Variants in SND1 observed in about 807,000 individuals in gnomAD.
SND1 encodes the protein staphylococcal nuclease domain-containing protein 1.
In SND1, 38 loss-of-function variants were observed where a neutral mutation model predicts 121.7. That is an observed-to-expected ratio of 0.31 (90% CI 0.24 to 0.41). SND1 has a LOEUF of 0.41. Ranked by LOEUF, SND1 falls within the 10% of genes least tolerant of loss-of-function variation. SND1 has a pLI of 1.00. For missense variants in SND1, 868 were observed against 1,184.6 expected, an observed-to-expected ratio of 0.73 and a Z score of 3.92; for synonymous variants, 401 against 447.4, an observed-to-expected ratio of 0.90 and a Z score of 1.31.
intron 17 of SND1, among the ~76,000 whole-genome samples, chr7:128,075,273 G>A (rs1279766306): frequency 6.6e-6 from 1 of 152,170 alleles, no homozygotes; most frequent in African/African-American, 2.4e-5. Flanking sequence ...GTGGGAGCCG[G>A]GCTCACCCAG....
chr7:127,845,060 T>C (rs1799034601), intron 12 of SND1, among the ~76,000 whole-genome samples: 1 of 152,254 alleles, frequency 6.6e-6, no homozygotes, highest in Non-Finnish European at 1.5e-5. Context: ...ATGGTAATTG[T>C]CTCCTTTTCC....
intron 12 of SND1, among the ~76,000 whole-genome samples, chr7:127,877,036 C>A (rs1443167409): frequency 6.6e-6 from 1 of 152,076 alleles, no homozygotes; most frequent in Non-Finnish European, 1.5e-5. Flanking sequence ...TTCATCATGT[C>A]CTAACTTCCC....
At chr7:128,002,161 G>A (rs762652527) in intron 16 of SND1, among the ~76,000 whole-genome samples, 3 of 152,232 alleles carry the variant, frequency 2.0e-5, no homozygotes, top group Non-Finnish European at 4.4e-5. Flanking sequence ...TATTCGGGTT[G>A]TCCACCCATG....
chr7:127,695,181 A>C (rs1034565563), intron 3 of SND1, among the ~76,000 whole-genome samples: 3 of 152,170 alleles, frequency 2.0e-5, no homozygotes, highest in African/African-American at 7.2e-5. Flanking sequence ...GTTTAGGTGC[A>C]TGTAGTATAG....
intron 10 of SND1, among the ~76,000 whole-genome samples, chr7:127,730,391 C>T (rs1384999909): frequency 6.6e-6 from 1 of 152,204 alleles, no homozygotes; most frequent in Admixed American, 6.5e-5. Context: ...ACAGTAGGGT[C>T]TCTATTCAGT....
intron 11 of SND1, among the ~76,000 whole-genome samples, chr7:127,820,324 C>CATT (rs1421365166): frequency 6.6e-6 from 1 of 152,152 alleles, no homozygotes; most frequent in Non-Finnish European, 1.5e-5. Context: ...GACTTCTTGA[C>CATT]ATTAGCCAGG....
In SND1 at chr7:127,872,124, G is replaced by A. The variant is rs548135586; in HGVS notation, c.1344-15778G>A. Among the ~76,000 whole-genome samples, 24 of 152,228 alleles carry A rather than the reference G, an allele frequency of 1.6e-4. 1 individual carries two copies. The highest frequency in any genetic ancestry group is 1.5e-3 in the South Asian group (7 of 4,826). On this transcript the variant is annotated intron_variant, in intron 12 of 23. Transcript: ENST00000354725. ...CCAGCCTGGGCAACAAAGTGAGACC[G>A]TGTCTCAAAAAGAAAACTCATTATA...
intron 16 of SND1, chr7:128,031,070 A>AGGGGAGGGG (rs1792578753): frequency 1.5e-5 from 2 of 132,230 alleles, no homozygotes; most frequent in South Asian, 5.2e-4. Flanking sequence ...GAGGGGAGGG[A>AGGGGAGGGG]AGGGGTGGGG....
chr7:127,719,144 T>C (rs1796444762), intron 9 of SND1, among the ~76,000 whole-genome samples: 1 of 152,158 alleles, frequency 6.6e-6, no homozygotes, highest in African/African-American at 2.4e-5. Flanking sequence ...CCCTGAAATA[T>C]TCTGTTATCC....
At chr7:127,737,887 A>G (rs911762495) in intron 10 of SND1, among the ~76,000 whole-genome samples, 3 of 152,216 alleles carry the variant, frequency 2.0e-5, no homozygotes, top group Non-Finnish European at 4.4e-5. Flanking sequence ...CTTTAAGGCA[A>G]GAGGGCAGCC....
At chr7:127,735,719 C>T (rs1205254211) in intron 10 of SND1, among the ~76,000 whole-genome samples, 4 of 152,240 alleles carry the variant, frequency 2.6e-5, no homozygotes, top group African/African-American at 9.6e-5. Flanking sequence ...TTCCACCTCC[C>T]GGGTTCAAGT....
Position 127,704,827 on chromosome 7 carries a change from C to G in SND1, c.841-12C>G, listed in dbSNP as rs897346440. The stretch of plus-strand genomic sequence containing the variant: ...TAATCCGTGCCTGCCTCTCATGTAC[C>G]TTGTTTTTCAGAATGGCAACATCAC... On this transcript the variant is annotated splice_polypyrimidine_tract_variant and intron_variant, in intron 7 of 23. Transcript: ENST00000354725. 1 of 1,610,080 alleles carries G rather than the reference C, an allele frequency of 6.2e-7. No individual in the cohort carries two copies. Among genetic ancestry groups the G allele is most frequent in the Non-Finnish European group, 8.5e-7 (1 of 1,176,616 alleles).
intron 15 of SND1, among the ~76,000 whole-genome samples, chr7:127,972,336 A>G (rs1802012749): frequency 1.3e-5 from 2 of 152,118 alleles, no homozygotes; most frequent in Admixed American, 1.3e-4. Context: ...ATCTTGGCTC[A>G]CTGCAACCTC....
chr7:128,030,997 C>A lies in SND1; in HGVS notation c.1779+39941C>A, dbSNP rs115852530. The A allele has an allele frequency of 5.7e-3, 765 of 134,862 alleles. 5 individuals are homozygous for A. The highest frequency in any genetic ancestry group is 0.02 in the African/African-American group (737 of 36,190). The allele number at this position is 134,862 out of a possible 1,614,324, so 8.4% of individuals were successfully genotyped here. On this transcript the variant is annotated intron_variant, in intron 16 of 23. Transcript: ENST00000354725. ...GGGCACCTCGTTCCCATTCCGACTT[C>A]TTAGTTTTAATTAACAAAAGGGGGA... is the stretch of plus-strand genomic sequence containing the variant.
intron 13 of SND1, among the ~76,000 whole-genome samples, chr7:127,897,140 C>G (rs10264973): frequency 6.6e-6 from 1 of 152,144 alleles, no homozygotes; most frequent in Non-Finnish European, 1.5e-5. Context: ...GCTTCTGACT[C>G]TGCCTCCCGC....
chr7:127,856,891 C>T (rs768436014), intron 12 of SND1, among the ~76,000 whole-genome samples: 20 of 152,168 alleles, frequency 1.3e-4, no homozygotes, highest in Non-Finnish European at 2.4e-4. Context: ...TTCCTGTCAC[C>T]ACTTTTTCAG....
At chr7:128,071,171 G>A (rs528932771) in intron 16 of SND1, among the ~76,000 whole-genome samples, 1 of 152,328 alleles carries the variant, frequency 6.6e-6, no homozygotes, top group African/African-American at 2.4e-5. Flanking sequence ...ACATGTGTTA[G>A]ATAAGCTTCA....
At chr7:127,928,401 T>TTAAGAAACTGTGAGCTCTGA (rs1800892547) in intron 14 of SND1, among the ~76,000 whole-genome samples, 1 of 151,958 alleles carries the variant, frequency 6.6e-6, no homozygotes, top group Non-Finnish European at 1.5e-5. Flanking sequence ...CTTCTCAAGG[T>TTAAGAAACTGTGAGCTCTGA]TAAGAAACTG....
At chr7:127,822,980 C>T (rs774001675) in intron 11 of SND1, among the ~76,000 whole-genome samples, 7 of 152,204 alleles carry the variant, frequency 4.6e-5, no homozygotes, top group African/African-American at 7.2e-5. Context: ...GCATTTAGTG[C>T]AGTGCTTGGG....
Sources: gnomAD v4.1 joint callset for allele counts (sites outside exome capture counted in the v4.1 genomes callset) on GRCh38, gnomAD v4.1.1 for gene constraint, MANE v1.5 for transcripts, NCBI Gene and HGNC (gene_info 2026-07-23, HGNC 2026-07-21) for gene names.